TASP1: variants seen among roughly 807,000 people sequenced by gnomAD.
TASP1 encodes threonine aspartase 1.
A neutral mutation model predicts 56.6 loss-of-function variants in TASP1; 16 were observed. The ratio of observed to expected loss-of-function variants is 0.28; its 90% CI spans 0.19 to 0.43. TASP1 has a LOEUF of 0.43. Among genes scored for constraint, TASP1 ranks in the 20% least tolerant of loss-of-function variants. The pLI is 1.00. For missense variants in TASP1, 393 were observed against 511.6 expected, an observed-to-expected ratio of 0.77 and a Z score of 2.24; for synonymous variants, 179 against 184.2, an observed-to-expected ratio of 0.97 and a Z score of 0.23.
chr20:13,628,096 CAG>C (rs1242971673), intron 2 of TASP1, among the ~76,000 whole-genome samples: 6 of 152,184 alleles, frequency 3.9e-5, no homozygotes, highest in African/African-American at 1.4e-4. Context: ...CAGTGTTTCC[CAG>C]GTGGACATCC....
the TASP1 span, among the ~76,000 whole-genome samples, chr20:13,262,960 AC>A: frequency 2.6e-5 from 4 of 152,160 alleles, no homozygotes; most frequent in Admixed American, 2.6e-4. Context: ...TATTAGTCAG[AC>A]CGTGACAGCA....
At chr20:13,322,034 G>T in the TASP1 span, among the ~76,000 whole-genome samples, 1 of 152,194 alleles carries the variant, frequency 6.6e-6, no homozygotes, top group Non-Finnish European at 1.5e-5. Flanking sequence ...TGGAAATTGT[G>T]CATGTGTATC....
chr20:13,509,790 C>T (rs2044260853), intron 10 of TASP1, among the ~76,000 whole-genome samples: 1 of 152,112 alleles, frequency 6.6e-6, no homozygotes, highest in African/African-American at 2.4e-5. Flanking sequence ...TCACGCCCGG[C>T]TAATTTTTGT....
At position 13,638,885 on chromosome 20, in the gene TASP1, G is replaced by A. The variant is rs1485296081; in HGVS notation, c.-75+9C>T. 1.3e-5 allele frequency: 2 copies of A among 152,654 alleles called. No individual in the cohort carries two copies. The highest frequency in any genetic ancestry group is 2.4e-5 in the African/African-American group (1 of 41,464). The allele number at this position is 152,654 out of a possible 1,614,324, so 9.5% of individuals were successfully genotyped here. A position where few individuals can be genotyped will look rare whatever the true frequency, so the allele number is the denominator to read the frequency against. The stretch of plus-strand genomic sequence containing the variant: ...CGGCGCGGACAGCGTGGGAAAGAGG[G>A]ACACTCACCCGCTTCAGCCCCGAGC... On this transcript the variant is annotated intron_variant, in intron 1 of 13. Coordinates refer to ENST00000337743, the MANE Select transcript of TASP1 (RefSeq NM_017714.3).
At chr20:13,439,961 A>C (rs747029633) in intron 11 of TASP1, among the ~76,000 whole-genome samples, 1 of 152,148 alleles carries the variant, frequency 6.6e-6, no homozygotes, top group Non-Finnish European at 1.5e-5. Context: ...CAACTCATGA[A>C]AAAGGGGCCC....
intron 7 of TASP1, among the ~76,000 whole-genome samples, chr20:13,561,271 A>G (rs150733733): frequency 4.1e-4 from 62 of 152,254 alleles, no homozygotes; most frequent in African/African-American, 1.4e-3. Flanking sequence ...ATAAATAATG[A>G]TCTCTGATAA....
chr20:13,608,782 CG>C (rs1200197743), intron 4 of TASP1, among the ~76,000 whole-genome samples: 1 of 152,202 alleles, frequency 6.6e-6, no homozygotes, highest in African/African-American at 2.4e-5. Flanking sequence ...ATCTAAACCA[CG>C]GGGATATAGC....
At chr20:13,162,417 T>C in the TASP1 span, among the ~76,000 whole-genome samples, 1 of 152,230 alleles carries the variant, frequency 6.6e-6, no homozygotes, top group Non-Finnish European at 1.5e-5. Context: ...ATCAGTCATC[T>C]AGACAAATGC....
the TASP1 span, chr20:13,160,116 G>A: frequency 3.5e-5 from 56 of 1,613,750 alleles, no homozygotes; most frequent in African/African-American, 1.1e-4. Flanking sequence ...GCACATACCC[G>A]GGAGATGTTA....
the TASP1 span, among the ~76,000 whole-genome samples, chr20:13,187,108 CAGG>C: frequency 6.6e-6 from 1 of 152,060 alleles, no homozygotes; most frequent in Non-Finnish European, 1.5e-5. Context: ...TGGGGCTCAT[CAGG>C]AGATTTGATG....
the TASP1 span, chr20:13,279,616 C>T: frequency 6.2e-7 from 1 of 1,605,712 alleles, no homozygotes. Flanking sequence ...TGACCCCAGC[C>T]TGTTCTGAAT....
At chr20:13,304,716 C>G in the TASP1 span, among the ~76,000 whole-genome samples, 2 of 152,272 alleles carry the variant, frequency 1.3e-5, no homozygotes, top group African/African-American at 4.8e-5. Context: ...ACTCATTGGT[C>G]AATGAATACC....
the TASP1 span, among the ~76,000 whole-genome samples, chr20:13,314,127 A>G: frequency 6.6e-6 from 1 of 152,182 alleles, no homozygotes; most frequent in East Asian, 1.9e-4. Flanking sequence ...CAGAACAGTC[A>G]AGACTTAGAG....
the TASP1 span, among the ~76,000 whole-genome samples, chr20:13,120,411 T>C: frequency 6.6e-6 from 1 of 152,250 alleles, no homozygotes. Context: ...TGAAACTGTG[T>C]ATAATTTCAA....
At position 13,547,547 on chromosome 20, in the gene TASP1, T is replaced by C. The variant is rs575787732; in HGVS notation, c.675+11461A>G. On this transcript the variant is annotated intron_variant, in intron 8 of 13. Transcript: ENST00000337743. ...TGTAGCTAGGTTTCAAGAGGGTTTA[T>C]AAAATTCAGCTTAAAAGTTTGGGTT... 2.6e-5 allele frequency among the ~76,000 whole-genome samples: 4 copies of C among 152,332 alleles called. No individual in the cohort carries two copies. In the South Asian group the frequency reaches 8.3e-4, roughly 32 times the overall value.
chr20:13,550,521 T>C (rs2045948241), intron 8 of TASP1, among the ~76,000 whole-genome samples: 1 of 152,086 alleles, frequency 6.6e-6, no homozygotes. Flanking sequence ...TTTCACAGAA[T>C]GAGTTTTCGG....
chr20:13,473,909 T>C (rs6105112), intron 11 of TASP1, among the ~76,000 whole-genome samples: 2,458 of 152,088 alleles, frequency 0.016, 69 homozygotes, highest in African/African-American at 0.055. Context: ...CCTGTCTCCA[T>C]AGAAAAATTA....
the TASP1 span, among the ~76,000 whole-genome samples, chr20:13,113,727 G>T: frequency 6.6e-6 from 1 of 152,126 alleles, no homozygotes; most frequent in African/African-American, 2.4e-5. Context: ...GTTGGCAGAG[G>T]CCCAGCCCAT....
chr20:13,437,014 C>A (rs1199806778), intron 11 of TASP1, among the ~76,000 whole-genome samples: 1 of 152,106 alleles, frequency 6.6e-6, no homozygotes, highest in African/African-American at 2.4e-5. Flanking sequence ...TAAAATAGTA[C>A]AGCATCATCC....
Sources: allele counts gnomAD v4.1 joint callset (sites outside exome capture counted in the v4.1 genomes callset), GRCh38; gene constraint gnomAD v4.1.1; transcripts MANE v1.5; gene names NCBI Gene and HGNC (gene_info 2026-07-23, HGNC 2026-07-21).